Variants in MERTK observed in about 807,000 individuals in gnomAD.
MERTK encodes tyrosine-protein kinase Mer.
A neutral mutation model predicts 99.3 loss-of-function variants in MERTK; 69 were observed. The observed-to-expected ratio is 0.70, with a 90% CI of 0.57 to 0.85. The LOEUF (loss-of-function observed/expected upper bound fraction) is 0.85, where lower values mean the gene tolerates loss of function less well. Ranked by LOEUF, MERTK falls within the 40% of genes least tolerant of loss-of-function variation. MERTK has a pLI of 0.00. For missense variants in MERTK, 1,125 were observed against 1,249.4 expected, an observed-to-expected ratio of 0.90 and a Z score of 1.50; for synonymous variants, 426 against 467.6, an observed-to-expected ratio of 0.91 and a Z score of 1.15.
chr2:111,928,049 A>G (rs67063370), intron 1 of MERTK, among the ~76,000 whole-genome samples: 80,641 of 151,998 alleles, frequency 0.53, 21,583 homozygotes, highest in Middle Eastern at 0.56. Context: ...CTCAGAAACC[A>G]TCTAAAATAC....
At chr2:111,927,206 G>A (rs993516338) in intron 1 of MERTK, among the ~76,000 whole-genome samples, 1 of 152,160 alleles carries the variant, frequency 6.6e-6, no homozygotes, top group Non-Finnish European at 1.5e-5. Flanking sequence ...GTTCCCAAAG[G>A]CAACAGCCAT....
At chr2:111,925,867 C>T (rs1434444905) in intron 1 of MERTK, among the ~76,000 whole-genome samples, 1 of 149,862 alleles carries the variant, frequency 6.7e-6, no homozygotes, top group Non-Finnish European at 1.5e-5. Context: ...GAGTCTCGCT[C>T]TGTCCCCCAG....
At chr2:111,969,421 T>C (rs1235598063) in intron 6 of MERTK, among the ~76,000 whole-genome samples, 4 of 152,142 alleles carry the variant, frequency 2.6e-5, no homozygotes, top group Non-Finnish European at 2.9e-5. Flanking sequence ...TCCTGCCTGG[T>C]ACTTAATCAT....
At chr2:111,966,479 AGT>A (rs1417666973) in intron 5 of MERTK, among the ~76,000 whole-genome samples, 2 of 152,158 alleles carry the variant, frequency 1.3e-5, no homozygotes, top group Non-Finnish European at 2.9e-5. Context: ...AAAATTCATG[AGT>A]GTGTGTGAGT....
At chr2:111,972,193 G>A (rs749888558) in intron 6 of MERTK, among the ~76,000 whole-genome samples, 1 of 152,136 alleles carries the variant, frequency 6.6e-6, no homozygotes, top group Non-Finnish European at 1.5e-5. Flanking sequence ...ACTGCGCCTG[G>A]CTCATTTTTG....
At chr2:111,920,864 C>T (rs1449796771) in intron 1 of MERTK, among the ~76,000 whole-genome samples, 1 of 152,078 alleles carries the variant, frequency 6.6e-6, no homozygotes, top group Non-Finnish European at 1.5e-5. Context: ...CCATGTTGGC[C>T]AGGCTGGTCT....
intron 1 of MERTK, among the ~76,000 whole-genome samples, chr2:111,928,417 G>A (rs946749761): frequency 2.0e-5 from 3 of 148,718 alleles, no homozygotes; most frequent in Non-Finnish European, 3.0e-5. Flanking sequence ...TTTTTTTTTC[G>A]AACCTCAATC....
chr2:111,953,511 A>G (rs1405620991), intron 4 of MERTK, among the ~76,000 whole-genome samples: 1 of 152,184 alleles, frequency 6.6e-6, no homozygotes, highest in African/African-American at 2.4e-5. Context: ...CAGAAACCTG[A>G]AACTTACCCA....
chr2:111,925,643 G>T (rs1311688443), intron 1 of MERTK, among the ~76,000 whole-genome samples: 1 of 150,708 alleles, frequency 6.6e-6, no homozygotes, highest in African/African-American at 2.4e-5. Context: ...AGTGATTTCA[G>T]GGTAGGTTTC....
At chr2:112,021,377 G>T (rs1301305098) in intron 16 of MERTK, 45 bp from the exon 17 acceptor site, 8 of 1,610,512 alleles carry the variant, frequency 5.0e-6, no homozygotes, top group Non-Finnish European at 5.9e-6. Context: ...AGTAATTTAA[G>T]GCATTGCCTC....
At position 111,997,837 on chromosome 2, in the gene MERTK, A is replaced by T. The variant is rs1056585327; in HGVS notation, c.1604+361A>T. Among the ~76,000 whole-genome samples, 13 of 152,206 alleles carry T rather than the reference A, an allele frequency of 8.5e-5. No homozygotes were observed. The South Asian group carries it at 1.0e-3, about 12-fold the overall frequency. On this transcript the variant is annotated intron_variant, in intron 10 of 18. Transcript: ENST00000295408. ...GAGGCCAAGGCAGGCGGATCACTTG[A>T]GGTCAGGAGTTTGAGACCAGCCTGG...
chr2:111,915,570 T>A (rs56822761), intron 1 of MERTK, among the ~76,000 whole-genome samples: 44,822 of 105,342 alleles, frequency 0.43, 7,052 homozygotes, highest in East Asian at 0.75. Context: ...ACGTATTTTT[T>A]AAAATTTTTT....
chr2:112,018,948 A>G (rs1005043136), intron 15 of MERTK, among the ~76,000 whole-genome samples: 2 of 152,154 alleles, frequency 1.3e-5, no homozygotes, highest in African/African-American at 4.8e-5. Context: ...ATGGTAGCAG[A>G]TAGGGGTGCC....
At position 112,028,626 on chromosome 2, in the gene MERTK, A is replaced by G; in HGVS notation, c.2762A>G (p.Asp921Gly). 5 of 1,614,204 alleles carry G rather than the reference A, an allele frequency of 3.1e-6. No individual in the cohort carries two copies. Among genetic ancestry groups the G allele is most frequent in the Non-Finnish European group, 4.2e-6 (5 of 1,180,034 alleles). Reference protein sequence around the residue: ...AISVVTAEVHDSKPHEGRYIL... With the variant: ...AISVVTAEVHGSKPHEGRYIL... ...AGTGTGGTCACAGCAGAAGTTCATG[A>G]CAGCAAACCTCATGAAGGACGGTAC... The change falls in exon 19 of 19, where the codon GAC becomes GGC. Residue 921 changes from aspartate to glycine, a missense_variant. Asp to Gly is a moderately conservative substitution (Grantham distance 94). Transcript: ENST00000295408.
intron 1 of MERTK, among the ~76,000 whole-genome samples, chr2:111,908,529 A>C (rs932613576): frequency 6.6e-6 from 1 of 152,138 alleles, no homozygotes; most frequent in Non-Finnish European, 1.5e-5. Context: ...ATTCCCATGC[A>C]TGTCTTTATC....
rs560643769 is a variant in MERTK, at chr2:111,941,488, G to A, written c.483-3472G>A. 1.2e-4 allele frequency among the ~76,000 whole-genome samples: 19 copies of A among 152,240 alleles called. No individual in the cohort carries two copies. In the South Asian group the frequency reaches 3.3e-3, roughly 27 times the overall value. ...CCCCCCTTCCGCATCCACTCTCCGC[G>A]TTTCCTCTGGAGCTCCTCTTACATG... On this transcript the variant is annotated intron_variant, in intron 2 of 18. Coordinates refer to ENST00000295408, the MANE Select transcript of MERTK (RefSeq NM_006343.3).
At chr2:111,911,210 C>T (rs991657637) in intron 1 of MERTK, among the ~76,000 whole-genome samples, 2 of 152,086 alleles carry the variant, frequency 1.3e-5, no homozygotes, top group Admixed American at 6.6e-5. Context: ...TTACCACATA[C>T]ATGTTATAAA....
intron 18 of MERTK, among the ~76,000 whole-genome samples, chr2:112,023,393 G>A (rs1029696380): frequency 8.5e-5 from 13 of 152,086 alleles, no homozygotes; most frequent in African/African-American, 2.2e-4. Flanking sequence ...CAGCCTGGGC[G>A]GCAGAGTAAA....
chr2:112,013,948 G>A (rs550471932), intron 15 of MERTK, among the ~76,000 whole-genome samples: 7 of 152,166 alleles, frequency 4.6e-5, no homozygotes, highest in South Asian at 2.1e-4. Flanking sequence ...TCCGCCTCCC[G>A]GGTTCAAGTG....
Sources: gnomAD v4.1 joint callset for allele counts (sites outside exome capture counted in the v4.1 genomes callset) on GRCh38, gnomAD v4.1.1 for gene constraint, MANE v1.5 for transcripts, NCBI Gene and HGNC (gene_info 2026-07-23, HGNC 2026-07-21) for gene names.